Variants in MYRF observed in about 807,000 individuals in gnomAD.
The protein encoded by MYRF is myelin regulatory factor.
Under a neutral mutation model 126.3 loss-of-function variants are expected in MYRF, and 16 were observed. That is an observed-to-expected ratio of 0.13 (90% CI 0.09 to 0.19). The LOEUF (loss-of-function observed/expected upper bound fraction) is 0.19, where lower values mean the gene tolerates loss of function less well. MYRF is among the 10% of genes least tolerant of loss of function. MYRF has a pLI of 1.00. For missense variants in MYRF, 1,104 were observed against 1,547.0 expected (o/e 0.71, Z 4.80); for synonymous variants, 608 against 635.3 (o/e 0.96, Z 0.65).
At chr11:61,753,000 C>A (rs999895565) in intron 1 of MYRF, among the ~76,000 whole-genome samples, 17 of 152,014 alleles carry the variant, frequency 1.1e-4, no homozygotes, top group Non-Finnish European at 1.5e-5. Context: ...TCCCCCTCCC[C>A]GCTCCTCAAC....
At chr11:61,753,513 C>T (rs2065663181) in intron 1 of MYRF, among the ~76,000 whole-genome samples, 1 of 152,082 alleles carries the variant, frequency 6.6e-6, no homozygotes, top group South Asian at 2.1e-4. Flanking sequence ...TCCCTGCCAC[C>T]GGTCACCTCT....
intron 7 of MYRF, among the ~76,000 whole-genome samples, chr11:61,772,298 GC>G (rs947057494): frequency 1.3e-5 from 2 of 152,168 alleles, no homozygotes; most frequent in Non-Finnish European, 2.9e-5. Context: ...CCTCCCGGCA[GC>G]CCCCTCCCTA....
rs968049119 is a variant in MYRF at position 61,756,938 on chromosome 11, A to G, written c.46+4148A>G. 3 of 348,508 alleles carry G rather than the reference A, an allele frequency of 8.6e-6. No homozygotes were observed. In the East Asian group the frequency reaches 2.2e-4, roughly 26 times the overall value. The allele number at this position is 348,508 out of a possible 1,614,324, so 21.6% of individuals were successfully genotyped here. ...TTACAGACTGGAGGGCCCTGGCAGC[A>G]GAGGCTGCTGGGTAACAGCCCAGCA... On this transcript the variant is annotated intron_variant, in intron 1 of 26. Coordinates refer to ENST00000278836, the MANE Select transcript of MYRF (RefSeq NM_001127392.3).
chr11:61,755,065 C>A (rs1240322508), intron 1 of MYRF, among the ~76,000 whole-genome samples: 1 of 152,158 alleles, frequency 6.6e-6, no homozygotes, highest in Non-Finnish European at 1.5e-5. Context: ...TCATCCTGGT[C>A]CCCACTTGGC....
intron 24 of MYRF, 101 bp downstream of exon 24, chr11:61,784,026 T>C (rs1158697701): frequency 1.5e-6 from 2 of 1,356,412 alleles, no homozygotes; most frequent in Non-Finnish European, 2.1e-6. Flanking sequence ...GGAGAGTCTC[T>C]GGTATTTCCT....
intron 17 of MYRF, 117 bp downstream of exon 17, chr11:61,780,047 G>C: frequency 1.6e-6 from 2 of 1,220,430 alleles, no homozygotes; most frequent in South Asian, 2.6e-5. Flanking sequence ...TGGGAGATCA[G>C]GCAGCTGAGG....
In MYRF at chr11:61,776,172, T is replaced by C; in HGVS notation, c.1388+40T>C. 1 of 1,607,960 alleles carries C rather than the reference T, an allele frequency of 6.2e-7. No individual in the cohort carries two copies. ...CTGTTGGGGGTGGTACCTAGAAGGG[T>C]CCACAACTAAAGCTGGCTTGGGAAT... On this transcript the variant is annotated intron_variant, in intron 9 of 26. Transcript: ENST00000278836. This position sits in a 1 kb window ranked among gnomAD's most constrained non-coding sequence, Gnocchi z 4.3.
At chr11:61,774,240 G>A (rs375451436) in intron 8 of MYRF, 78 bp downstream of exon 8, 65 of 1,350,904 alleles carry the variant, frequency 4.8e-5, no homozygotes, top group East Asian at 2.0e-4. Flanking sequence ...AAAAGCAAGC[G>A]TTGGCTGGAT....
chr11:61,768,283 G>T (rs974489309), intron 3 of MYRF, among the ~76,000 whole-genome samples: 1 of 152,184 alleles, frequency 6.6e-6, no homozygotes, highest in Non-Finnish European at 1.5e-5. Context: ...TGTGGACTTG[G>T]GGCATGGGAC....
At position 61,777,853 on chromosome 11, in the gene MYRF, C is replaced by T; in HGVS notation, c.1903+8C>T. 1 of 1,550,406 alleles carries T rather than the reference C, an allele frequency of 6.4e-7. No homozygotes were observed. Among genetic ancestry groups the T allele is most frequent in the Non-Finnish European group, 8.7e-7 (1 of 1,146,270 alleles). On this transcript the variant is annotated splice_region_variant and intron_variant, in intron 13 of 26. Coordinates refer to ENST00000278836, the MANE Select transcript of MYRF (RefSeq NM_001127392.3). The surrounding 1 kb of genome is among the most constrained non-coding windows in gnomAD (Gnocchi z 8.8). ...CCACCGCGCCAGAGACAGGTAGGGA[C>T]CGGGCTGGTGCGGACTGGGGTCCGG... is the stretch of plus-strand genomic sequence containing the variant.
intron 1 of MYRF, among the ~76,000 whole-genome samples, chr11:61,759,931 G>C (rs189686546): frequency 7.9e-4 from 120 of 152,244 alleles, no homozygotes; most frequent in Non-Finnish European, 1.3e-3. Flanking sequence ...AGACGGCTCT[G>C]GTCACAAGTT....
At chr11:61,764,075 C>T (rs905949711) in intron 1 of MYRF, among the ~76,000 whole-genome samples, 1 of 152,176 alleles carries the variant, frequency 6.6e-6, no homozygotes, top group Admixed American at 6.5e-5. Context: ...CCGCCCTGGA[C>T]GGCCATTGGT....
In MYRF at chr11:61,778,532, G is replaced by A. The variant is rs1430435414; in HGVS notation, c.2013+43G>A. ...TGGGAGGGAGCCCAGAGGCAAGTGGGGAGCCAGCTGGGGAACACTCATCAC... is the reference window on the plus strand; with the variant it reads ...TGGGAGGGAGCCCAGAGGCAAGTGGAGAGCCAGCTGGGGAACACTCATCAC... On this transcript the variant is annotated intron_variant, in intron 14 of 26. Transcript: ENST00000278836. The surrounding 1 kb of genome is among the most constrained non-coding windows in gnomAD (Gnocchi z 4.6). The A allele has an allele frequency of 7.1e-7, 1 of 1,406,974 alleles. No homozygotes were observed. The highest frequency in any genetic ancestry group is 1.0e-6 in the Non-Finnish European group (1 of 991,650). 87.2% of individuals were successfully genotyped at this position (1,406,974 alleles called of 1,614,324 possible).
rs1052816061 is a variant in MYRF at position 61,771,972 on chromosome 11, C to T, written c.1115+20C>T. The T allele has an allele frequency of 1.2e-6, 2 of 1,612,972 alleles. No homozygotes were observed. The highest frequency in any genetic ancestry group is 1.7e-6 in the Non-Finnish European group (2 of 1,179,296). On this transcript the variant is annotated intron_variant, in intron 7 of 26. Transcript: ENST00000278836. ...GGAGCTGTGAGTGCCCTACAACACTCCCCACTCCTCCAGGCCCCCCCACCT... is the reference window on the plus strand; with the variant it reads ...GGAGCTGTGAGTGCCCTACAACACTTCCCACTCCTCCAGGCCCCCCCACCT...
At chr11:61,773,004 CTTTTTTT>C (rs144470023) in intron 7 of MYRF, among the ~76,000 whole-genome samples, 4 of 130,626 alleles carry the variant, frequency 3.1e-5, no homozygotes, top group Non-Finnish European at 5.0e-5. Flanking sequence ...AACAGTTGCT[CTTTTTTT>C]TTTTTTTTTT....
intron 1 of MYRF, chr11:61,755,330 G>A: frequency 1.3e-6 from 2 of 1,561,522 alleles, no homozygotes; most frequent in Admixed American, 2.0e-5. Flanking sequence ...GTACAGCCGG[G>A]CCCCCGTGAC....
intron 1 of MYRF, among the ~76,000 whole-genome samples, chr11:61,763,561 C>T (rs1164115231): frequency 6.6e-6 from 1 of 152,206 alleles, no homozygotes; most frequent in Non-Finnish European, 1.5e-5. Context: ...ATGCCTTGCG[C>T]ATAAGAAACT....
intron 5 of MYRF, among the ~76,000 whole-genome samples, chr11:61,770,925 C>T (rs1488733183): frequency 6.6e-6 from 1 of 152,160 alleles, no homozygotes; most frequent in Non-Finnish European, 1.5e-5. Context: ...AGACCCAAGC[C>T]CCCGACTCTG....
chr11:61,768,118 A>C (rs1284987146), intron 3 of MYRF, among the ~76,000 whole-genome samples: 5 of 138,530 alleles, frequency 3.6e-5, no homozygotes, highest in Non-Finnish European at 7.8e-5. Context: ...ACTCTGTCTC[A>C]AAAAAAAAAA....
Sources: gnomAD v4.1 joint callset for allele counts (sites outside exome capture counted in the v4.1 genomes callset) on GRCh38, gnomAD v4.1.1 for gene constraint, Gnocchi (gnomAD v3.1) non-coding constraint, MANE v1.5 for transcripts, NCBI Gene and HGNC (gene_info 2026-07-23, HGNC 2026-07-21) for gene names.